The following MBD5 variants were observed in gnomAD, a reference collection of about 807,000 sequenced individuals.
MBD5 encodes the protein methyl-CpG-binding domain protein 5.
MBD5 carries 13 observed loss-of-function variants against 117.3 expected under a neutral mutation model. The ratio of observed to expected loss-of-function variants is 0.11; its 90% CI spans 0.07 to 0.18. MBD5 has a LOEUF of 0.18. MBD5 is among the 10% of genes least tolerant of loss of function. The pLI is 1.00. For missense variants in MBD5, 1,879 were observed against 2,093.8 expected (o/e 0.90, Z 2.00); for synonymous variants, 727 against 766.4 (o/e 0.95, Z 0.85).
intron 3 of MBD5, among the ~76,000 whole-genome samples, chr2:148,235,452 T>G (rs958044549): frequency 2.0e-5 from 3 of 152,210 alleles, no homozygotes; most frequent in Admixed American, 2.0e-4. Flanking sequence ...ATTCTATTTG[T>G]GACCATGTAA....
At chr2:148,232,061 G>C (rs1025183189) in intron 2 of MBD5, among the ~76,000 whole-genome samples, 2 of 152,136 alleles carry the variant, frequency 1.3e-5, no homozygotes, top group Non-Finnish European at 2.9e-5. Context: ...TTAGTCAGTG[G>C]GAACAGACAT....
At chr2:148,059,811 A>T (rs946488016) in intron 1 of MBD5, among the ~76,000 whole-genome samples, 21 of 151,306 alleles carry the variant, frequency 1.4e-4, no homozygotes, top group African/African-American at 5.1e-4. Context: ...GCGCCACTGC[A>T]CCCCAGCCTG....
chr2:148,278,657 A>G (rs1284914327), intron 3 of MBD5, among the ~76,000 whole-genome samples: 1 of 152,230 alleles, frequency 6.6e-6, no homozygotes, highest in Non-Finnish European at 1.5e-5. Context: ...CTCCGGAGAC[A>G]GAACCAGTAG....
chr2:148,367,961 C>G (rs1326465101), intron 4 of MBD5, among the ~76,000 whole-genome samples: 1 of 152,154 alleles, frequency 6.6e-6, no homozygotes, highest in Non-Finnish European at 1.5e-5. Flanking sequence ...CTTGACCCAG[C>G]AATCCCATTA....
At chr2:148,491,576 A>G (rs1681528623) in intron 11 of MBD5, among the ~76,000 whole-genome samples, 1 of 152,010 alleles carries the variant, frequency 6.6e-6, no homozygotes, top group Non-Finnish European at 1.5e-5. Context: ...ATGACAGGAA[A>G]CCAAAAGCAT....
At chr2:148,422,738 A>G (rs1705647816) in intron 4 of MBD5, among the ~76,000 whole-genome samples, 1 of 152,186 alleles carries the variant, frequency 6.6e-6, no homozygotes, top group South Asian at 2.1e-4. Context: ...AGAAGAACAT[A>G]AATGACCTCA....
intron 3 of MBD5, among the ~76,000 whole-genome samples, chr2:148,280,494 C>T (rs1241568721): frequency 1.3e-5 from 2 of 152,142 alleles, no homozygotes; most frequent in East Asian, 1.9e-4. Flanking sequence ...TGCAGTGGCA[C>T]GATCACAGCT....
chr2:148,136,171 T>C (rs1697167910), intron 1 of MBD5, among the ~76,000 whole-genome samples: 1 of 152,214 alleles, frequency 6.6e-6, no homozygotes, highest in Non-Finnish European at 1.5e-5. Flanking sequence ...GGAAAGAATT[T>C]GTTTAATTTC....
chr2:148,407,622 A>G (rs1448733197), intron 4 of MBD5, among the ~76,000 whole-genome samples: 2 of 152,104 alleles, frequency 1.3e-5, no homozygotes, highest in African/African-American at 2.4e-5. Context: ...CAAAAATAAT[A>G]TTATGTTGTT....
At position 148,458,401 on chromosome 2, in the gene MBD5, G is replaced by A; in HGVS notation, c.-358G>A. 1 of 537,462 alleles carries A rather than the reference G, an allele frequency of 1.9e-6. No individual in the cohort carries two copies. The highest frequency in any genetic ancestry group is 3.1e-5 in the South Asian group (1 of 32,018). The allele number at this position is 537,462 out of a possible 1,614,324, so 33.3% of individuals were successfully genotyped here. A position where few individuals can be genotyped will look rare whatever the true frequency, so the allele number is the denominator to read the frequency against. On this transcript the variant is annotated 5_prime_UTR_variant, in exon 5 of 14. Coordinates refer to ENST00000642680, the MANE Select transcript of MBD5 (RefSeq NM_001378120.1). ...GAGATTGTCTTAGTACAACATCAAG[G>A]TTCAAGACAAATGTTGAACTAAAAA...
rs981233281 is a variant in MBD5, at chr2:148,516,070, A to G, written c.*3129A>G. On this transcript the variant is annotated 3_prime_UTR_variant, in exon 14 of 14. Coordinates refer to ENST00000642680, the MANE Select transcript of MBD5 (RefSeq NM_001378120.1). ...TGCTATGCCTGTTTTTTAAGTAAAC[A>G]CAGCCTTCTTATTTGAACGTAACAC... 6.6e-6 allele frequency: 1 copy of G among 152,232 alleles called. No homozygotes were observed. Among genetic ancestry groups the G allele is most frequent in the African/African-American group, 2.4e-5 (1 of 41,472 alleles). 9.4% of individuals were successfully genotyped at this position (152,232 alleles called of 1,614,324 possible).
rs1318061350 is a variant in MBD5, at chr2:148,515,189, A to T, written c.*2248A>T. 2.6e-5 allele frequency: 4 copies of T among 151,990 alleles called. No individual in the cohort carries two copies. 9.4% of individuals were successfully genotyped at this position (151,990 alleles called of 1,614,324 possible). On this transcript the variant is annotated 3_prime_UTR_variant, in exon 14 of 14. Transcript: ENST00000642680. The stretch of plus-strand genomic sequence containing the variant: ...ATGCTGGGTGTGTCTGTATGTGTGT[A>T]TGTGTTGATATGTAAATTTTTTAGC...
At position 148,370,748 on chromosome 2, in the gene MBD5, C is replaced by G. The variant is rs990158411; in HGVS notation, c.-557+28412C>G. On this transcript the variant is annotated intron_variant, in intron 4 of 13. Transcript: ENST00000642680. ...AAGAGATCAGCCTGCCTCAGCCTCC[C>G]AGATTACTGGGATTACAGGCATGAG... Among the ~76,000 whole-genome samples the G allele has an allele frequency of 3.9e-5, 6 of 152,194 alleles. No individual in the cohort carries two copies. The East Asian group carries it at 5.8e-4, about 15-fold the overall frequency.
At chr2:148,454,814 A>G (rs530375481) in intron 4 of MBD5, among the ~76,000 whole-genome samples, 1 of 152,224 alleles carries the variant, frequency 6.6e-6, no homozygotes, top group East Asian at 1.9e-4. Flanking sequence ...AGCTTTTAAA[A>G]CTTTCTAAAA....
chr2:148,267,639 T>C (rs1356198459), intron 3 of MBD5, among the ~76,000 whole-genome samples: 1 of 152,168 alleles, frequency 6.6e-6, no homozygotes, highest in Non-Finnish European at 1.5e-5. Flanking sequence ...TATGAATGGA[T>C]ATTTTTATAT....
At chr2:148,144,278 A>C (rs1236964355) in intron 1 of MBD5, among the ~76,000 whole-genome samples, 1 of 150,916 alleles carries the variant, frequency 6.6e-6, no homozygotes, top group Non-Finnish European at 1.5e-5. Flanking sequence ...TCCTTTGCCC[A>C]CTTGTTGATG....
rs1021111772 is a variant in MBD5, at chr2:148,515,333, A to G, written c.*2392A>G. ...TACTTTACATAAGTAGACCATGTAA[A>G]GTATGTTTGTGCCCATGATTTCACT... is the stretch of plus-strand genomic sequence containing the variant. On this transcript the variant is annotated 3_prime_UTR_variant, in exon 14 of 14. Transcript: ENST00000642680. 2 of 152,068 alleles carry G rather than the reference A, an allele frequency of 1.3e-5. No individual in the cohort carries two copies. The highest frequency in any genetic ancestry group is 4.8e-5 in the African/African-American group (2 of 41,380). 9.4% of individuals were successfully genotyped at this position (152,068 alleles called of 1,614,324 possible).
intron 1 of MBD5, among the ~76,000 whole-genome samples, chr2:148,084,947 A>G (rs1695739980): frequency 6.6e-6 from 1 of 152,202 alleles, no homozygotes; most frequent in Non-Finnish European, 1.5e-5. Flanking sequence ...AAACAATTCC[A>G]TCAAGGCATA....
At chr2:148,037,237 A>C (rs1694220871) in intron 1 of MBD5, among the ~76,000 whole-genome samples, 1 of 151,964 alleles carries the variant, frequency 6.6e-6, no homozygotes, top group Non-Finnish European at 1.5e-5. Context: ...CCAAGTATTG[A>C]CTGGATTCTG....
Sources: gnomAD v4.1 joint callset for allele counts (sites outside exome capture counted in the v4.1 genomes callset) on GRCh38, gnomAD v4.1.1 for gene constraint, MANE v1.5 for transcripts, NCBI Gene and HGNC (gene_info 2026-07-23, HGNC 2026-07-21) for gene names.